The following TMEM45A variants were observed in gnomAD, a reference collection of about 807,000 sequenced individuals.
The protein encoded by TMEM45A is DNA polymerase-transactivated protein 4.
Under a neutral mutation model 32.0 loss-of-function variants are expected in TMEM45A, and 25 were observed. The ratio of observed to expected loss-of-function variants is 0.78; its 90% CI spans 0.57 to 1.09. The LOEUF is 1.09. TMEM45A is among the 50% of genes least tolerant of loss of function. The pLI, the probability that TMEM45A is intolerant of heterozygous loss-of-function variation, is 0.00. For missense variants in TMEM45A, 302 were observed against 325.0 expected, an observed-to-expected ratio of 0.93 and a Z score of 0.54; for synonymous variants, 122 against 114.8, an observed-to-expected ratio of 1.06 and a Z score of -0.40.
In TMEM45A at chr3:100,568,934, T is replaced by C. The variant is rs372186176; in HGVS notation, c.701T>C (p.Val234Ala). The change falls in exon 5 of 6, where the codon GTC becomes GCC. Residue 234 changes from valine to alanine, a missense_variant. Physicochemically the swap from Val to Ala is moderately conservative, Grantham distance 64 (BLOSUM62 0). Transcript: ENST00000323523. ...TGTTGGCATTATGCAGTAACCATTG[T>C]CATCGTTGGAATGAATTATGCTTTC... is the stretch of plus-strand genomic sequence containing the variant. ...CFCWHYAVTIVIVGMNYAFIT... is the reference protein window; with the variant it reads ...CFCWHYAVTIAIVGMNYAFIT... 17 of 1,613,538 alleles carry C rather than the reference T, an allele frequency of 1.1e-5. 1 individual carries two copies. The highest frequency in any genetic ancestry group is 7.7e-5 in the South Asian group (7 of 90,948).
At chr3:100,566,866 C>A (rs1028953355) in intron 4 of TMEM45A, among the ~76,000 whole-genome samples, 5 of 151,850 alleles carry the variant, frequency 3.3e-5, no homozygotes, top group Non-Finnish European at 7.4e-5. Context: ...TTTAGGAATT[C>A]TTTTTATATT....
chr3:100,523,737 C>T (rs1167597215), intron 1 of TMEM45A, among the ~76,000 whole-genome samples: 3 of 149,010 alleles, frequency 2.0e-5, no homozygotes, highest in African/African-American at 7.4e-5. Flanking sequence ...CTCCTCCTTT[C>T]TCCTCCTTCT....
rs576434134 is a variant in TMEM45A, at chr3:100,571,039, G to A, written c.734+2072G>A. ...TATGGGTAAAATGTAGCAACTATGC[G>A]GTTTACAAAATGTTCTATTATTGCA... On this transcript the variant is annotated intron_variant, in intron 5 of 5. Coordinates refer to ENST00000323523, the MANE Select transcript of TMEM45A (RefSeq NM_018004.3). 8.6e-5 allele frequency: 13 copies of A among 151,416 alleles called. No individual in the cohort carries two copies. The South Asian group carries it at 1.1e-3, about 12-fold the overall frequency. 9.4% of individuals were successfully genotyped at this position (151,416 alleles called of 1,614,324 possible). A position where few individuals can be genotyped will look rare whatever the true frequency, so the allele number is the denominator to read the frequency against.
intron 1 of TMEM45A, among the ~76,000 whole-genome samples, chr3:100,537,964 G>A (rs974874133): frequency 4.6e-5 from 7 of 152,170 alleles, no homozygotes; most frequent in Admixed American, 2.6e-4. Context: ...GAGTAATACC[G>A]GGTTTGGGAG....
chr3:100,518,119 A>G (rs911321162), intron 1 of TMEM45A, among the ~76,000 whole-genome samples: 77 of 152,228 alleles, frequency 5.1e-4, no homozygotes, highest in Non-Finnish European at 6.3e-4. Context: ...AGCAGAAAGA[A>G]AAAAGGAAGC....
chr3:100,544,668 A>G (rs1705950527), intron 1 of TMEM45A, among the ~76,000 whole-genome samples: 1 of 152,100 alleles, frequency 6.6e-6, no homozygotes, highest in South Asian at 2.1e-4. Context: ...TTTGAGATTA[A>G]TTCAGGTTTT....
At position 100,532,008 on chromosome 3, in the gene TMEM45A, A is replaced by AT. The variant is rs1354742032; in HGVS notation, c.-3-23195dup. On this transcript the variant is annotated intron_variant, in intron 1 of 5. Coordinates refer to ENST00000323523, the MANE Select transcript of TMEM45A (RefSeq NM_018004.3). The stretch of plus-strand genomic sequence containing the variant: ...CCAACATACTGACTCTGAAAGAATA[A>AT]TTTTTTCCTTTTTTGAAGATCTTCA... Among the ~76,000 whole-genome samples, 8 of 152,232 alleles carry AT rather than the reference A, an allele frequency of 5.3e-5. No individual in the cohort carries two copies. In the South Asian group the frequency reaches 1.7e-3, roughly 32 times the overall value.
Position 100,577,083 on chromosome 3 carries a change from T to G in TMEM45A, c.*65T>G. 1 of 1,375,016 alleles carries G rather than the reference T, an allele frequency of 7.3e-7. No individual in the cohort carries two copies. The allele number at this position is 1,375,016 out of a possible 1,614,324, so 85.2% of individuals were successfully genotyped here. On this transcript the variant is annotated 3_prime_UTR_variant, in exon 6 of 6. Transcript: ENST00000323523. ...TTTTTACATTGTTCTTGGTTTTGTT[T>G]CTCGATCTTTTGTTTGGAGAACAGC...
At chr3:100,512,103 C>T (rs1371658844) in intron 1 of TMEM45A, among the ~76,000 whole-genome samples, 4 of 152,044 alleles carry the variant, frequency 2.6e-5, no homozygotes, top group African/African-American at 2.4e-5. Context: ...GGAATTGAAC[C>T]CAGCTCTGCA....
chr3:100,568,642 G>T (rs1337157600), intron 4 of TMEM45A, among the ~76,000 whole-genome samples, 180 bp from the exon 5 acceptor site: 1 of 152,100 alleles, frequency 6.6e-6, no homozygotes, highest in Non-Finnish European at 1.5e-5. Context: ...ATGAAAATAT[G>T]ACATATTAGA....
intron 1 of TMEM45A, among the ~76,000 whole-genome samples, chr3:100,494,840 G>A (rs2148920793): frequency 6.6e-6 from 1 of 152,246 alleles, no homozygotes; most frequent in Admixed American, 6.5e-5. Flanking sequence ...CTGTGCCTCA[G>A]CTTCCTCCTC....
At chr3:100,515,309 T>C (rs1708242884) in intron 1 of TMEM45A, among the ~76,000 whole-genome samples, 1 of 151,884 alleles carries the variant, frequency 6.6e-6, no homozygotes, top group Non-Finnish European at 1.5e-5. Flanking sequence ...TAAAAAATGA[T>C]GAGTTCACGT....
chr3:100,508,395 C>T (rs1708108485), intron 1 of TMEM45A, among the ~76,000 whole-genome samples: 1 of 152,134 alleles, frequency 6.6e-6, no homozygotes, highest in Non-Finnish European at 1.5e-5. Context: ...CACTGACATC[C>T]CCTTACATCT....
At chr3:100,554,692 A>G (rs1040969331) in intron 1 of TMEM45A, among the ~76,000 whole-genome samples, 1 of 152,240 alleles carries the variant, frequency 6.6e-6, no homozygotes, top group African/African-American at 2.4e-5. Flanking sequence ...GCAATTTCAC[A>G]TCATTTCAAG....
At chr3:100,573,324 G>A (rs1706610976) in intron 5 of TMEM45A, 1 of 151,846 alleles carries the variant, frequency 6.6e-6, no homozygotes, top group Non-Finnish European at 1.5e-5. Flanking sequence ...CACATCCCTT[G>A]TAAGTTGGAT....
chr3:100,542,294 G>A (rs927735102), intron 1 of TMEM45A, among the ~76,000 whole-genome samples: 2 of 152,088 alleles, frequency 1.3e-5, no homozygotes, highest in African/African-American at 4.8e-5. Context: ...AACGTGGAAT[G>A]TTTTTCCATT....
intron 1 of TMEM45A, among the ~76,000 whole-genome samples, chr3:100,548,791 T>C (rs144885691): frequency 6.6e-6 from 1 of 152,340 alleles, no homozygotes; most frequent in African/African-American, 2.4e-5. Context: ...AGTGTCCCTG[T>C]ACAATGCAAG....
In TMEM45A at chr3:100,552,228, G is replaced by C. The variant is rs574393047; in HGVS notation, c.-3-2981G>C. On this transcript the variant is annotated intron_variant, in intron 1 of 5. Coordinates refer to ENST00000323523, the MANE Select transcript of TMEM45A (RefSeq NM_018004.3). The stretch of plus-strand genomic sequence containing the variant: ...ATACTAACAGCCTTAAAAAAAAAGT[G>C]GAGAAGGCCCAGGCATTTAACCTCT... 1.6e-4 allele frequency among the ~76,000 whole-genome samples: 24 copies of C among 152,180 alleles called. 1 individual carries two copies. In the South Asian group the frequency reaches 5.0e-3, roughly 32 times the overall value.
At chr3:100,576,700 T>C (rs1706695133) in intron 5 of TMEM45A, among the ~76,000 whole-genome samples, 1 of 152,170 alleles carries the variant, frequency 6.6e-6, no homozygotes, top group Admixed American at 6.5e-5. Context: ...AATTAAACAA[T>C]GATGCAATAC....
Sources: gnomAD v4.1 joint callset for allele counts (sites outside exome capture counted in the v4.1 genomes callset) on GRCh38, gnomAD v4.1.1 for gene constraint, MANE v1.5 for transcripts, NCBI Gene and HGNC (gene_info 2026-07-23, HGNC 2026-07-21) for gene names.